Variants in PEX14 observed in about 807,000 individuals in gnomAD.
The protein encoded by PEX14 is peroxisomal membrane protein PEX14.
A neutral mutation model predicts 49.5 loss-of-function variants in PEX14; 15 were observed. The observed-to-expected ratio is 0.30, with a 90% CI of 0.20 to 0.47. PEX14 has a LOEUF of 0.47. Among genes scored for constraint, PEX14 ranks in the 20% least tolerant of loss-of-function variants. The pLI, the probability that PEX14 is intolerant of heterozygous loss-of-function variation, is 1.00. For synonymous variants in PEX14, 210 were observed against 212.7 expected (o/e 0.99, Z 0.11); for missense variants, 398 against 494.8 (o/e 0.80, Z 1.86).
intron 4 of PEX14, among the ~76,000 whole-genome samples, chr1:10,603,703 C>T (rs182227274): frequency 7.9e-5 from 12 of 152,310 alleles, no homozygotes; most frequent in Admixed American, 2.0e-4. Context: ...GATTGATTCA[C>T]GCCAAGCTGA....
chr1:10,489,611 A>G (rs1304845514), intron 1 of PEX14, among the ~76,000 whole-genome samples: 1 of 152,182 alleles, frequency 6.6e-6, no homozygotes, highest in Non-Finnish European at 1.5e-5. Flanking sequence ...CTATGCATGC[A>G]CAAATTTTAG....
chr1:10,515,541 C>G (rs556284074), intron 2 of PEX14, among the ~76,000 whole-genome samples: 101 of 152,302 alleles, frequency 6.6e-4, no homozygotes, highest in Middle Eastern at 3.4e-3. Flanking sequence ...GATCCCTGGA[C>G]ATTCCTGATC....
At chr1:10,587,618 C>T (rs914396440) in intron 3 of PEX14, among the ~76,000 whole-genome samples, 8 of 152,020 alleles carry the variant, frequency 5.3e-5, no homozygotes, top group Non-Finnish European at 1.2e-4. Flanking sequence ...GAGTCTATTC[C>T]TAGGGATATA....
At chr1:10,531,803 C>G (rs1638658325) in intron 2 of PEX14, among the ~76,000 whole-genome samples, 2 of 152,152 alleles carry the variant, frequency 1.3e-5, no homozygotes, top group Non-Finnish European at 1.5e-5. Context: ...GTTTACATGT[C>G]AGGTGCAAAG....
intron 3 of PEX14, among the ~76,000 whole-genome samples, chr1:10,593,687 G>A (rs1261735721): frequency 6.6e-6 from 1 of 151,986 alleles, no homozygotes; most frequent in Non-Finnish European, 1.5e-5. Context: ...ACAGGTTGGG[G>A]GGCTGGGGGA....
In PEX14 at chr1:10,623,179, C is replaced by A; in HGVS notation, c.487+58C>A. ...CACAGCCTTCTCCAAGCAGCCCCTT[C>A]TCTGCCCCTCCCCTCTCCCTCTGTC... On this transcript the variant is annotated intron_variant, in intron 6 of 8. Transcript: ENST00000356607. The surrounding 1 kb of genome is among the most constrained non-coding windows in gnomAD (Gnocchi z 4.4). 9.4e-7 allele frequency: 1 copy of A among 1,068,896 alleles called. No individual in the cohort carries two copies. Among genetic ancestry groups the A allele is most frequent in the Non-Finnish European group, 1.4e-6 (1 of 695,698 alleles). 66.2% of individuals were successfully genotyped at this position (1,068,896 alleles called of 1,614,324 possible).
intron 3 of PEX14, among the ~76,000 whole-genome samples, chr1:10,546,548 A>T: frequency 8.6e-6 from 1 of 115,844 alleles, no homozygotes; most frequent in African/African-American, 3.6e-5. Context: ...TGGGTGACAG[A>T]GCGAGACTCT....
intron 4 of PEX14, among the ~76,000 whole-genome samples, chr1:10,603,765 C>T (rs754843774): frequency 1.3e-5 from 2 of 152,036 alleles, no homozygotes. Flanking sequence ...ATAAGCAGGA[C>T]CAGTGTAAAT....
intron 2 of PEX14, among the ~76,000 whole-genome samples, chr1:10,506,490 T>G (rs1424400217): frequency 6.6e-6 from 1 of 152,190 alleles, no homozygotes; most frequent in Admixed American, 6.5e-5. Context: ...TTGGTCAGGC[T>G]GGTCTTGAAC....
At chr1:10,489,982 A>G (rs986674221) in intron 1 of PEX14, among the ~76,000 whole-genome samples, 4 of 152,222 alleles carry the variant, frequency 2.6e-5, no homozygotes, top group African/African-American at 4.8e-5. Context: ...TCTGTTCCCT[A>G]TCACTCCATC....
At chr1:10,517,509 T>TTTCTTAAATCTTAAA (rs1641991519) in intron 2 of PEX14, among the ~76,000 whole-genome samples, 3 of 152,114 alleles carry the variant, frequency 2.0e-5, no homozygotes, top group African/African-American at 7.2e-5. Flanking sequence ...TTTTAAGAGG[T>TTTCTTAAATCTTAAA]TGTGCAGCTG....
chr1:10,536,415 A>T, intron 3 of PEX14, 118 bp downstream of exon 3: 1 of 745,392 alleles, frequency 1.3e-6, no homozygotes, highest in Non-Finnish European at 2.5e-6. Context: ...CTGCCCACTC[A>T]TGGGGCAGTG....
At chr1:10,483,836 C>T (rs1258700972) in intron 1 of PEX14, among the ~76,000 whole-genome samples, 1 of 151,662 alleles carries the variant, frequency 6.6e-6, no homozygotes, top group Non-Finnish European at 1.5e-5. Context: ...CCTTACGCCC[C>T]TTCCCATTGA....
chr1:10,561,646 T>G (rs779211047), intron 3 of PEX14, among the ~76,000 whole-genome samples: 2 of 152,234 alleles, frequency 1.3e-5, no homozygotes, highest in Non-Finnish European at 2.9e-5. Flanking sequence ...CCTTTTGTAA[T>G]TAACAAGTAA....
At chr1:10,609,041 C>G (rs6666075) in intron 4 of PEX14, among the ~76,000 whole-genome samples, 101,979 of 152,102 alleles carry the variant, frequency 0.67, 35,769 homozygotes, top group Non-Finnish European at 0.79. Flanking sequence ...TGGCCTCTTT[C>G]ACTTAACCTG....
chr1:10,476,755 T>C (rs930054587), intron 1 of PEX14, among the ~76,000 whole-genome samples: 1 of 151,970 alleles, frequency 6.6e-6, no homozygotes, highest in Non-Finnish European at 1.5e-5. Flanking sequence ...CCTCCCAAAG[T>C]GCTGAGATTA....
intron 3 of PEX14, among the ~76,000 whole-genome samples, chr1:10,548,577 G>C (rs541422072): frequency 6.6e-6 from 1 of 152,142 alleles, no homozygotes; most frequent in Non-Finnish European, 1.5e-5. Flanking sequence ...TTATCTGTTG[G>C]GGGGTGGTGT....
intron 2 of PEX14, among the ~76,000 whole-genome samples, chr1:10,516,079 T>C (rs1441106864): frequency 6.6e-6 from 1 of 152,228 alleles, no homozygotes; most frequent in Non-Finnish European, 1.5e-5. Context: ...AAATTGTATT[T>C]GCAATAGCAG....
chr1:10,611,536 C>G (rs1291037845), intron 4 of PEX14, among the ~76,000 whole-genome samples: 1 of 152,140 alleles, frequency 6.6e-6, no homozygotes, highest in Non-Finnish European at 1.5e-5. Flanking sequence ...ATGTTAGGTC[C>G]ATGTTTAACT....
Sources: gnomAD v4.1 joint callset for allele counts (sites outside exome capture counted in the v4.1 genomes callset) on GRCh38, gnomAD v4.1.1 for gene constraint, Gnocchi (gnomAD v3.1) non-coding constraint, MANE v1.5 for transcripts, NCBI Gene and HGNC (gene_info 2026-07-23, HGNC 2026-07-21) for gene names.